IRAK1BP1: variants seen among roughly 807,000 people sequenced by gnomAD.
IRAK1BP1 encodes interleukin 1 receptor associated kinase 1 binding protein 1.
In IRAK1BP1, 24 loss-of-function variants were observed where a neutral mutation model predicts 28.0. The ratio of observed to expected loss-of-function variants is 0.86; its 90% CI spans 0.62 to 1.20. The LOEUF is 1.20. Ranked by LOEUF, IRAK1BP1 falls within the 50% of genes most tolerant of loss-of-function variation. The probability of loss-of-function intolerance (pLI) is 0.00; values close to 1 mark genes in which losing one functional copy is unlikely to be tolerated. For synonymous variants in IRAK1BP1, 131 were observed against 116.3 expected, an observed-to-expected ratio of 1.13 and a Z score of -0.81; for missense variants, 336 against 316.7, an observed-to-expected ratio of 1.06 and a Z score of -0.46.
At chr6:78,944,923 T>C (rs1773718213) in intron 4 of IRAK1BP1, among the ~76,000 whole-genome samples, 1 of 152,272 alleles carries the variant, frequency 6.6e-6, no homozygotes, top group East Asian at 1.9e-4. Context: ...TATTCTACAG[T>C]TGTAGACAAC....
At chr6:78,946,619 G>T, downstream of IRAK1BP1, 1 of 1,453,288 alleles carries the variant, frequency 6.9e-7, no homozygotes, top group Non-Finnish European at 9.0e-7. Context: ...TGCAATATAG[G>T]GAATAGTAAA....
At chr6:78,979,398 T>C in the IRAK1BP1 span, among the ~76,000 whole-genome samples, 1 of 152,044 alleles carries the variant, frequency 6.6e-6, no homozygotes, top group Admixed American at 6.6e-5. Flanking sequence ...TTTATAAACA[T>C]TCCATATAAC....
intron 4 of IRAK1BP1, among the ~76,000 whole-genome samples, chr6:78,918,885 C>A (rs1395922135): frequency 6.6e-6 from 1 of 152,164 alleles, no homozygotes; most frequent in East Asian, 1.9e-4. Flanking sequence ...CTCCAGTCAT[C>A]AACCACAGAA....
At chr6:78,904,128 A>G (rs1356452374), downstream of IRAK1BP1, among the ~76,000 whole-genome samples, 1 of 152,234 alleles carries the variant, frequency 6.6e-6, no homozygotes, top group Non-Finnish European at 1.5e-5. Flanking sequence ...GGGATGGGAA[A>G]TGCAGGACAC....
At chr6:78,939,084 T>A (rs949679719) in intron 4 of IRAK1BP1, 3 of 151,646 alleles carry the variant, frequency 2.0e-5, no homozygotes, top group Non-Finnish European at 4.4e-5. Context: ...TTTAAATTTT[T>A]AAAAAAATGG....
downstream of IRAK1BP1, among the ~76,000 whole-genome samples, chr6:78,950,958 C>T (rs1324760221): frequency 2.6e-5 from 4 of 152,040 alleles, no homozygotes; most frequent in Non-Finnish European, 5.9e-5. Flanking sequence ...TTCTCCTTTT[C>T]TGCTGTACTC....
At chr6:78,877,203 A>G (rs1771030729) in intron 1 of IRAK1BP1, among the ~76,000 whole-genome samples, 1 of 152,126 alleles carries the variant, frequency 6.6e-6, no homozygotes, top group Non-Finnish European at 1.5e-5. Context: ...AGGCACAGCA[A>G]TCAAGCAGAA....
At chr6:78,890,155 C>T (rs535482671) in intron 2 of IRAK1BP1, among the ~76,000 whole-genome samples, 4 of 151,822 alleles carry the variant, frequency 2.6e-5, no homozygotes, top group South Asian at 4.2e-4. Flanking sequence ...TCATTCTCAG[C>T]ACACTAACAC....
chr6:78,971,213 T>C, the IRAK1BP1 span, among the ~76,000 whole-genome samples: 1 of 152,198 alleles, frequency 6.6e-6, no homozygotes, highest in Non-Finnish European at 1.5e-5. Context: ...TCCACTTTTG[T>C]TGTTAACTTT....
At chr6:78,873,254 C>CAAAAA (rs35962544) in intron 1 of IRAK1BP1, among the ~76,000 whole-genome samples, 4 of 41,104 alleles carry the variant, frequency 9.7e-5, no homozygotes, top group East Asian at 8.3e-4. Context: ...AACTCTGTCT[C>CAAAAA]AAAAAAAAAA....
In IRAK1BP1 at chr6:78,867,776, G is replaced by C. The variant is rs1770633109; in HGVS notation, c.200G>C (p.Arg67Pro). The C allele has an allele frequency of 1.2e-6, 2 of 1,613,986 alleles. No homozygotes were observed. The highest frequency in any genetic ancestry group is 1.7e-6 in the Non-Finnish European group (2 of 1,179,960). The change falls in exon 1 of 4, where the codon CGG becomes CCG. Residue 67 changes from arginine to proline, a missense_variant. Physicochemically the swap from Arg to Pro is moderately radical, Grantham distance 103 (BLOSUM62 -2). Coordinates refer to ENST00000369940, the MANE Select transcript of IRAK1BP1 (RefSeq NM_001010844.4). ...TCAGAAGTGTCTGCGGGCCCTGACC[G>C]GGCGCAGGTGGTGGTGCGAGTGAGC... ...GTSEVSAGPD[R>P]AQVVVRVSST...
Position 78,900,080 on chromosome 6 carries a change from A to G in IRAK1BP1, c.*1746A>G, listed in dbSNP as rs1055606845. 6.6e-6 allele frequency: 1 copy of G among 152,234 alleles called. No homozygotes were observed. The highest frequency in any genetic ancestry group is 1.5e-5 in the Non-Finnish European group (1 of 68,038). 9.4% of individuals were successfully genotyped at this position (152,234 alleles called of 1,614,324 possible). A position where few individuals can be genotyped will look rare whatever the true frequency, so the allele number is the denominator to read the frequency against. ...AGTATCAGTTTTTAAATTAGTTAAA[A>G]TTAAATAAAATTTAAAATTTAGTTC... On this transcript the variant is annotated 3_prime_UTR_variant, in exon 4 of 4. Transcript: ENST00000369940.
chr6:78,940,837 C>G, intron 4 of IRAK1BP1: 1 of 1,613,974 alleles, frequency 6.2e-7, no homozygotes, highest in South Asian at 1.1e-5. Context: ...AGAAAGCTGT[C>G]CTTCGACCTT....
chr6:78,939,829 A>G (rs1353145512), intron 4 of IRAK1BP1: 2 of 152,424 alleles, frequency 1.3e-5, no homozygotes, highest in African/African-American at 4.8e-5. Context: ...ATTATTTTCT[A>G]TTAGTACCAA....
rs1582070161 is a variant in IRAK1BP1, at chr6:78,940,557, T to TTTTGTTTGTTTTG, written c.*68-4848_*68-4847insGTTTGTTTTGTTT. ...AGTGTCTCGTAAGTTTGTTTTTTTT[T>TTTTGTTTGTTTTG]TTTTTTTTTTTTTTGCAAATCAAAT... On this transcript the variant is annotated intron_variant and NMD_transcript_variant, in intron 4 of 4. Transcript: ENST00000606868. 3.3e-5 allele frequency: 6 copies of TTTTGTTTGTTTTG among 179,180 alleles called. No individual in the cohort carries two copies. The East Asian group carries it at 3.8e-4, about 11-fold the overall frequency. The allele number at this position is 179,180 out of a possible 1,614,324, so 11.1% of individuals were successfully genotyped here. A position where few individuals can be genotyped will look rare whatever the true frequency, so the allele number is the denominator to read the frequency against.
At chr6:78,879,890 G>C (rs978304734) in intron 1 of IRAK1BP1, among the ~76,000 whole-genome samples, 4 of 152,214 alleles carry the variant, frequency 2.6e-5, no homozygotes, top group African/African-American at 9.7e-5. Flanking sequence ...AGGTTGGTCA[G>C]GTGTCATATG....
rs369141065 is a variant in IRAK1BP1 at position 78,942,313 on chromosome 6, T to C, written c.*68-3095T>C. 5.9e-5 allele frequency among the ~76,000 whole-genome samples: 9 copies of C among 152,212 alleles called. No homozygotes were observed. The East Asian group carries it at 1.5e-3, about 26-fold the overall frequency. On this transcript the variant is annotated intron_variant and NMD_transcript_variant, in intron 4 of 4. Coordinates refer to the IRAK1BP1 transcript ENST00000606868. ...GCCTGGCCAACATGGCGAAACCCCG[T>C]CTCTACTAAAAGTACAAAAAGTAGC...
At chr6:78,968,213 A>G in the IRAK1BP1 span, among the ~76,000 whole-genome samples, 1 of 152,206 alleles carries the variant, frequency 6.6e-6, no homozygotes, top group Non-Finnish European at 1.5e-5. Context: ...CCAAAGGCTG[A>G]TAGCCAAAAC....
the IRAK1BP1 span, among the ~76,000 whole-genome samples, chr6:78,953,170 C>T: frequency 3.3e-5 from 5 of 151,976 alleles, no homozygotes; most frequent in Admixed American, 6.6e-5. Flanking sequence ...AAAATTTCTC[C>T]TCTCTGACAC....
Sources: allele counts gnomAD v4.1 joint callset (sites outside exome capture counted in the v4.1 genomes callset), GRCh38; gene constraint gnomAD v4.1.1; transcripts MANE v1.5; gene names NCBI Gene and HGNC (gene_info 2026-07-23, HGNC 2026-07-21).